The following DIP2A variants were observed in gnomAD, a reference collection of about 807,000 sequenced individuals.
DIP2A encodes disco-interacting protein 2 homolog A.
DIP2A carries 85 observed loss-of-function variants against 177.4 expected under a neutral mutation model. The observed-to-expected ratio is 0.48, with a 90% CI of 0.40 to 0.57. The LOEUF (loss-of-function observed/expected upper bound fraction) is 0.57, where lower values mean the gene tolerates loss of function less well. Among genes scored for constraint, DIP2A ranks in the 20% least tolerant of loss-of-function variants. The pLI is 0.00. For synonymous variants in DIP2A, 886 were observed against 881.8 expected (o/e 1.00, Z -0.08); for missense variants, 1,791 against 2,100.2 (o/e 0.85, Z 2.88).
chr21:46,566,773 G>T (rs1254576827), intron 37 of DIP2A, 90 bp downstream of exon 37: 2 of 1,532,462 alleles, frequency 1.3e-6, no homozygotes, highest in Non-Finnish European at 1.8e-6. Flanking sequence ...GCAGAGCAAG[G>T]ACTGCTGGGC....
intron 32 of DIP2A, chr21:46,558,755 G>A (rs553526448): frequency 4.2e-4 from 111 of 266,522 alleles, no homozygotes; most frequent in African/African-American, 2.5e-3. Context: ...GGTAATTTGT[G>A]TTGACTCAAA....
At chr21:46,459,458 C>T (rs545214922) in intron 1 of DIP2A, among the ~76,000 whole-genome samples, 2 of 150,680 alleles carry the variant, frequency 1.3e-5, no homozygotes, top group Admixed American at 1.3e-4. Flanking sequence ...AGGACCCCGC[C>T]CCTCATGTGG....
intron 35 of DIP2A, among the ~76,000 whole-genome samples, chr21:46,564,636 T>A (rs1038878626): frequency 6.6e-6 from 1 of 152,212 alleles, no homozygotes; most frequent in South Asian, 2.1e-4. Context: ...GTCAAATTGA[T>A]GTCTTCAAAC....
At chr21:46,523,393 A>ATTTTTTTTTTTTT (rs61370008) in intron 8 of DIP2A, among the ~76,000 whole-genome samples, 574 of 89,894 alleles carry the variant, frequency 6.4e-3, no homozygotes, top group East Asian at 9.0e-3. Flanking sequence ...CGCCTGGCTA[A>ATTTTTTTTTTTTT]TTTTTTTTTT....
chr21:46,534,605 C>T lies in DIP2A; in HGVS notation c.1560C>T (p.Gly520=), dbSNP rs1460675899. 1.2e-6 allele frequency: 2 copies of T among 1,613,392 alleles called. No homozygotes were observed. Among genetic ancestry groups the T allele is most frequent in the Non-Finnish European group, 1.7e-6 (2 of 1,179,872 alleles). ...TTCAGTATAAAACCAGCAAAGAAGG[C>T]AGTACGGTGGGGGTCACAGTGTCCC... ...AYIEYKTSKE[G]STVGVTVSHA... The change falls in exon 13 of 38, where the codon GGC becomes GGT. Residue 520 remains glycine, a synonymous_variant. Transcript: ENST00000417564.
At position 46,569,656 on chromosome 21, in the gene DIP2A, A is replaced by G. The variant is rs1400862271; in HGVS notation, c.*2034A>G. ...TAGAATTACTCTGGGAATTCTGTAT[A>G]TCACACTAAAATTTTTATATCATTA... On this transcript the variant is annotated 3_prime_UTR_variant, in exon 38 of 38. Coordinates refer to ENST00000417564, the MANE Select transcript of DIP2A (RefSeq NM_015151.4). 1 of 152,234 alleles carries G rather than the reference A, an allele frequency of 6.6e-6. No homozygotes were observed. Among genetic ancestry groups the G allele is most frequent in the East Asian group, 1.9e-4 (1 of 5,202 alleles). 9.4% of individuals were successfully genotyped at this position (152,234 alleles called of 1,614,324 possible).
In DIP2A at chr21:46,565,732, A is replaced by T; in HGVS notation, c.4184A>T (p.His1395Leu). Residue 1395 changes from histidine (H) to leucine (L), a missense_variant, in exon 36 of 38, where the codon CAC (histidine) becomes CTC (leucine). Transcript: ENST00000417564. ...CACCAGATCTGGGTAAGCAGCCCCC[A>T]CAATGCCACCGGGTACTACACCGTT... is the stretch of plus-strand genomic sequence containing the variant. ...HLGEIWVSSP[H>L]NATGYYTVYG... 1.2e-6 allele frequency: 2 copies of T among 1,613,048 alleles called. No individual in the cohort carries two copies. Among genetic ancestry groups the T allele is most frequent in the Non-Finnish European group, 1.7e-6 (2 of 1,179,572 alleles).
intron 3 of DIP2A, among the ~76,000 whole-genome samples, chr21:46,495,752 C>T (rs903244077): frequency 1.3e-5 from 2 of 152,044 alleles, no homozygotes; most frequent in Non-Finnish European, 2.9e-5. Flanking sequence ...GGACCACAGG[C>T]GCATGCCACT....
At chr21:46,501,727 T>C (rs1397140579) in intron 5 of DIP2A, among the ~76,000 whole-genome samples, 2 of 152,232 alleles carry the variant, frequency 1.3e-5, no homozygotes, top group Admixed American at 1.3e-4. Flanking sequence ...CCAGCCATTA[T>C]ATAGCTGTTT....
At position 46,533,614 on chromosome 21, in the gene DIP2A, A is replaced by C; in HGVS notation, c.1396A>C (p.Lys466Gln). 6.2e-7 allele frequency: 1 copy of C among 1,614,010 alleles called. No homozygotes were observed. The highest frequency in any genetic ancestry group is 8.5e-7 in the Non-Finnish European group (1 of 1,179,888). The change falls in exon 11 of 38, where the codon AAG (lysine) becomes CAG (glutamine). Residue 466 changes from lysine (K) to glutamine (Q), a missense_variant. By Grantham distance (53) the Lys-to-Gln change is moderately conservative. Transcript: ENST00000417564. ...AGACGCTTGTCAGAAAGGCCTCCCC[A>C]AGGCACAGACAGGAGAGGTGGCAGC... ...TTDACQKGLP[K>Q]AQTGEVAAFK... is the part of the protein sequence containing the mutation.
intron 35 of DIP2A, among the ~76,000 whole-genome samples, chr21:46,564,409 G>A (rs968879844): frequency 6.6e-6 from 1 of 152,162 alleles, no homozygotes; most frequent in Admixed American, 6.5e-5. Context: ...GGAGGGTGCG[G>A]GTCTCCCTGA....
rs753188876 is a variant in DIP2A at position 46,509,279 on chromosome 21, G to A, written c.807G>A (p.Val269=). The A allele has an allele frequency of 2.7e-5, 43 of 1,613,556 alleles. No individual in the cohort carries two copies. Among genetic ancestry groups the A allele is most frequent in the Non-Finnish European group, 3.3e-5 (39 of 1,179,778 alleles). Residue 269 remains valine, a synonymous_variant, in exon 7 of 38, where the codon GTG becomes GTA. Coordinates refer to ENST00000417564, the MANE Select transcript of DIP2A (RefSeq NM_015151.4). ...CAGGTGTCCCTGTGAACAGCAGAGT[G>A]TCCTCCAAAATCCAGCAGCTTCTGA... ...TADGVPVNSR[V]SSKIQQLLNT...
chr21:46,463,249 A>G (rs2054480969), intron 1 of DIP2A: 1 of 152,272 alleles, frequency 6.6e-6, no homozygotes, highest in Non-Finnish European at 1.5e-5. Flanking sequence ...GATATTTAAA[A>G]AAGAATTAAT....
In DIP2A at chr21:46,534,693, G is replaced by T; in HGVS notation, c.1642+6G>T. ...GGCGTGCGGGTACTCAGAAGGTAAG[G>T]GCTCTCGGGGGTGGGGCGGTGGCCC... is the stretch of plus-strand genomic sequence containing the variant. On this transcript the variant is annotated splice_donor_region_variant and intron_variant, in intron 13 of 37. Coordinates refer to ENST00000417564, the MANE Select transcript of DIP2A (RefSeq NM_015151.4). 6.2e-7 allele frequency: 1 copy of T among 1,604,170 alleles called. No individual in the cohort carries two copies. The highest frequency in any genetic ancestry group is 1.1e-5 in the South Asian group (1 of 90,772).
At chr21:46,535,399 TTGAA>T (rs2059524765) in intron 13 of DIP2A, among the ~76,000 whole-genome samples, 2 of 152,140 alleles carry the variant, frequency 1.3e-5, no homozygotes. Context: ...CTGAGTGAAA[TTGAA>T]TGGTATGTCT....
intron 19 of DIP2A, 43 bp downstream of exon 19, chr21:46,545,316 T>C (rs1274799371): frequency 1.3e-6 from 2 of 1,570,678 alleles, no homozygotes; most frequent in Admixed American, 3.4e-5. Context: ...TTAAGTTGCA[T>C]GAGCACTCAT....
In DIP2A at chr21:46,537,083, G is replaced by A; in HGVS notation, c.1643-141G>A. The A allele has an allele frequency of 1.3e-6, 1 of 784,004 alleles. No homozygotes were observed. Among genetic ancestry groups the A allele is most frequent in the South Asian group, 1.5e-5 (1 of 66,788 alleles). The allele number at this position is 784,004 out of a possible 1,614,324, so 48.6% of individuals were successfully genotyped here. A position where few individuals can be genotyped will look rare whatever the true frequency, so the allele number is the denominator to read the frequency against. The stretch of plus-strand genomic sequence containing the variant: ...TAGATAACCAGGATTATTATTAATT[G>A]GTATGTGGTATTTGGAAATGCTGTA... On this transcript the variant is annotated intron_variant, in intron 13 of 37. Coordinates refer to ENST00000417564, the MANE Select transcript of DIP2A (RefSeq NM_015151.4). The surrounding 1 kb of genome is among the most constrained non-coding windows in gnomAD (Gnocchi z 4.1).
chr21:46,462,679 C>G (rs544543356), intron 1 of DIP2A: 1 of 151,440 alleles, frequency 6.6e-6, no homozygotes, highest in African/African-American at 2.4e-5. Context: ...GAGAAATTGC[C>G]TAAAACTTAA....
Position 46,537,529 on chromosome 21 carries a change from C to T in DIP2A, c.1791C>T (p.Cys597=), listed in dbSNP as rs1319420845. The T allele has an allele frequency of 3.6e-5, 58 of 1,614,068 alleles. No individual in the cohort carries two copies. The highest frequency in any genetic ancestry group is 4.6e-5 in the Non-Finnish European group (54 of 1,180,028). ...ANPLSWIQKV[C]FYKARAALVK... ...CACTCTCCTGGATCCAGAAAGTGTGCTTCTATAAAGGTAACGGATACCATG... is the reference window on the plus strand; with the variant it reads ...CACTCTCCTGGATCCAGAAAGTGTGTTTCTATAAAGGTAACGGATACCATG... Residue 597 remains cysteine, a synonymous_variant, in exon 15 of 38, where the codon TGC becomes TGT. Coordinates refer to ENST00000417564, the MANE Select transcript of DIP2A (RefSeq NM_015151.4). This position sits in a 1 kb window ranked among gnomAD's most constrained non-coding sequence, Gnocchi z 4.1.
Sources: allele counts gnomAD v4.1 joint callset (sites outside exome capture counted in the v4.1 genomes callset), GRCh38; gene constraint gnomAD v4.1.1; non-coding constraint Gnocchi (gnomAD v3.1); transcripts MANE v1.5; gene names NCBI Gene and HGNC (gene_info 2026-07-23, HGNC 2026-07-21).